CCNY: variants seen among roughly 807,000 people sequenced by gnomAD.
CCNY encodes the protein cyclin Y, also known as cyclin-Y.
CCNY carries 19 observed loss-of-function variants against 42.8 expected under a neutral mutation model. That is an observed-to-expected ratio of 0.44 (90% CI 0.31 to 0.65). The LOEUF (loss-of-function observed/expected upper bound fraction) is 0.65, where lower values mean the gene tolerates loss of function less well. CCNY is among the 30% of genes least tolerant of loss of function. The pLI, the probability that CCNY is intolerant of heterozygous loss-of-function variation, is 0.07. For missense variants in CCNY, 370 were observed against 437.3 expected (o/e 0.85, Z 1.37); for synonymous variants, 165 against 162.7 (o/e 1.01, Z -0.11).
intron 2 of CCNY, among the ~76,000 whole-genome samples, chr10:35,495,173 A>G (rs1003637631): frequency 2.6e-5 from 4 of 152,196 alleles, no homozygotes; most frequent in African/African-American, 7.2e-5. Flanking sequence ...TGTTTTATGT[A>G]TCTCTGTGTT....
chr10:35,338,256 C>A (rs2135115489), intron 1 of CCNY, among the ~76,000 whole-genome samples: 1 of 152,270 alleles, frequency 6.6e-6, no homozygotes. Context: ...GGAAAGGCCA[C>A]ATTTAAACTT....
chr10:35,364,608 G>T (rs1325473871), intron 1 of CCNY, among the ~76,000 whole-genome samples: 1 of 152,124 alleles, frequency 6.6e-6, no homozygotes, highest in Non-Finnish European at 1.5e-5. Context: ...GAGTTTTGAA[G>T]CCTTCTGTGA....
intron 1 of CCNY, among the ~76,000 whole-genome samples, chr10:35,368,068 G>C (rs537286315): frequency 5.9e-5 from 9 of 152,358 alleles, no homozygotes; most frequent in African/African-American, 2.2e-4. Context: ...GATAGAGTCT[G>C]CAATTGATTA....
intron 1 of CCNY, among the ~76,000 whole-genome samples, chr10:35,450,518 T>C (rs1803329937): frequency 6.6e-6 from 1 of 152,060 alleles, no homozygotes; most frequent in Non-Finnish European, 1.5e-5. Context: ...TGTCAGCTTC[T>C]TGAGCTGACA....
At chr10:35,452,127 T>C (rs1214409397) in intron 1 of CCNY, among the ~76,000 whole-genome samples, 1 of 152,230 alleles carries the variant, frequency 6.6e-6, no homozygotes, top group Non-Finnish European at 1.5e-5. Context: ...GCTGCCTTTT[T>C]TGCTGTTGAG....
chr10:35,460,807 G>C (rs1456362912), intron 1 of CCNY, among the ~76,000 whole-genome samples: 1 of 152,152 alleles, frequency 6.6e-6, no homozygotes, highest in African/African-American at 2.4e-5. Flanking sequence ...CATTAGCCCA[G>C]GTTCTCTTGT....
At chr10:35,301,230 T>C (rs1337975425) in intron 3 of CCNY, among the ~76,000 whole-genome samples, 1 of 152,202 alleles carries the variant, frequency 6.6e-6, no homozygotes, top group East Asian at 1.9e-4. Flanking sequence ...CGGAGCTATT[T>C]TTGCCTAAAT....
At chr10:35,300,469 A>G (rs1027754184) in intron 3 of CCNY, among the ~76,000 whole-genome samples, 12 of 151,922 alleles carry the variant, frequency 7.9e-5, no homozygotes, top group Non-Finnish European at 1.2e-4. Flanking sequence ...ATTGTTTCAT[A>G]TATCTTCTCT....
chr10:35,341,278 C>G (rs1313309003), intron 1 of CCNY, among the ~76,000 whole-genome samples: 2 of 152,196 alleles, frequency 1.3e-5, no homozygotes, highest in Admixed American at 1.3e-4. Context: ...GAAGTGTCCT[C>G]CATGTGCTCT....
At chr10:35,506,045 A>T (rs1840207711) in intron 3 of CCNY, among the ~76,000 whole-genome samples, 1 of 152,254 alleles carries the variant, frequency 6.6e-6, no homozygotes, top group African/African-American at 2.4e-5. Flanking sequence ...AGTGAGCTAC[A>T]TCTAGGAACT....
At chr10:35,447,599 A>G (rs1449052373) in intron 1 of CCNY, among the ~76,000 whole-genome samples, 6 of 152,236 alleles carry the variant, frequency 3.9e-5, no homozygotes, top group African/African-American at 1.4e-4. Context: ...CTTAATTTCT[A>G]AGATTTCAAG....
chr10:35,365,554 C>T (rs534216299), intron 1 of CCNY, among the ~76,000 whole-genome samples: 2 of 152,272 alleles, frequency 1.3e-5, no homozygotes, highest in Non-Finnish European at 2.9e-5. Context: ...GATTACCTAT[C>T]GCAAATTAGG....
At chr10:35,537,555 A>G (rs1449277243) in intron 7 of CCNY, among the ~76,000 whole-genome samples, 1 of 152,236 alleles carries the variant, frequency 6.6e-6, no homozygotes, top group Non-Finnish European at 1.5e-5. Flanking sequence ...GCCCAGGACT[A>G]TCAGAACCCA....
chr10:35,356,222 A>C (rs996349660), intron 1 of CCNY, among the ~76,000 whole-genome samples: 1 of 152,208 alleles, frequency 6.6e-6, no homozygotes, highest in African/African-American at 2.4e-5. Flanking sequence ...AAACCTAAAG[A>C]CAGTCTACCA....
At chr10:35,517,959 G>C (rs958414916) in intron 4 of CCNY, among the ~76,000 whole-genome samples, 4 of 152,236 alleles carry the variant, frequency 2.6e-5, no homozygotes, top group Non-Finnish European at 5.9e-5. Context: ...CCACATGACT[G>C]TTGGCTTCTG....
intron 2 of CCNY, among the ~76,000 whole-genome samples, chr10:35,493,424 C>T (rs2135381206): frequency 6.6e-6 from 1 of 152,342 alleles, no homozygotes; most frequent in East Asian, 1.9e-4. Flanking sequence ...TGAGCACCTG[C>T]ATTTCCCCTT....
intron 7 of CCNY, among the ~76,000 whole-genome samples, chr10:35,534,078 G>A (rs1840827717): frequency 6.6e-6 from 1 of 150,774 alleles, no homozygotes; most frequent in Non-Finnish European, 1.5e-5. Context: ...CTGGAGTACA[G>A]TGGCACAATC....
At chr10:35,315,566 A>G (rs1296897696) in intron 3 of CCNY, 2 of 152,240 alleles carry the variant, frequency 1.3e-5, no homozygotes, top group Non-Finnish European at 2.9e-5. Context: ...GAGTGCTGCA[A>G]TGAACAATCA....
At chr10:35,396,764 G>A (rs1837535882) in intron 1 of CCNY, among the ~76,000 whole-genome samples, 1 of 152,198 alleles carries the variant, frequency 6.6e-6, no homozygotes, top group African/African-American at 2.4e-5. Context: ...GAGTTGCTGG[G>A]TGCTGTGTCC....
Sources: gnomAD v4.1 joint callset for allele counts (sites outside exome capture counted in the v4.1 genomes callset) on GRCh38, gnomAD v4.1.1 for gene constraint, MANE v1.5 for transcripts, NCBI Gene and HGNC (gene_info 2026-07-23, HGNC 2026-07-21) for gene names.